The following CSMD1 variants were observed in gnomAD, a reference collection of about 807,000 sequenced individuals.
The protein encoded by CSMD1 is CUB and sushi domain-containing protein 1.
CSMD1 carries 213 observed loss-of-function variants against 417.5 expected under a neutral mutation model. The ratio of observed to expected loss-of-function variants is 0.51; its 90% confidence interval spans 0.46 to 0.57. The LOEUF is 0.57. Among genes scored for constraint, CSMD1 ranks in the 20% least tolerant of loss-of-function variants. The pLI, the probability that CSMD1 is intolerant of heterozygous loss-of-function variation, is 0.00. For synonymous variants in CSMD1, 2,862 were observed against 1,736.8 expected (o/e 1.65, Z -16.11); for missense variants, 6,923 against 4,529.7 (o/e 1.53, Z -15.17).
At chr8:4,152,524 CAAAA>C (rs11460992) in intron 3 of CSMD1, among the ~76,000 whole-genome samples, 1 of 139,444 alleles carries the variant, frequency 7.2e-6, no homozygotes, top group Non-Finnish European at 1.5e-5. Context: ...CAGAGAGTAC[CAAAA>C]AAAAAAAAAA....
At chr8:4,138,930 A>C (rs1308814602) in intron 3 of CSMD1, among the ~76,000 whole-genome samples, 7 of 152,298 alleles carry the variant, frequency 4.6e-5, no homozygotes, top group African/African-American at 1.7e-4. Flanking sequence ...GCTTCTATTT[A>C]TTTGGAATAT....
intron 3 of CSMD1, among the ~76,000 whole-genome samples, chr8:4,161,903 T>C (rs1797193504): frequency 6.6e-6 from 1 of 152,208 alleles, no homozygotes; most frequent in Non-Finnish European, 1.5e-5. Context: ...AAGTCAAGAC[T>C]TCATCAGTTC....
At chr8:4,131,158 CA>C (rs1803078521) in intron 3 of CSMD1, among the ~76,000 whole-genome samples, 1 of 152,058 alleles carries the variant, frequency 6.6e-6, no homozygotes, top group African/African-American at 2.4e-5. Flanking sequence ...AGATTTTAGA[CA>C]AAAGACTGAG....
intron 3 of CSMD1, among the ~76,000 whole-genome samples, chr8:4,268,313 A>G (rs914118845): frequency 2.0e-5 from 3 of 152,152 alleles, no homozygotes; most frequent in African/African-American, 2.4e-5. Context: ...ATATAAAACC[A>G]TTATGACCTG....
At chr8:3,900,898 C>T (rs146854847) in intron 5 of CSMD1, among the ~76,000 whole-genome samples, 1 of 152,220 alleles carries the variant, frequency 6.6e-6, no homozygotes, top group Non-Finnish European at 1.5e-5. Flanking sequence ...TTTGCTTGAT[C>T]TGAGTCCTCG....
intron 1 of CSMD1, among the ~76,000 whole-genome samples, chr8:4,810,856 G>C (rs932716487): frequency 1.3e-5 from 2 of 152,084 alleles, no homozygotes; most frequent in Non-Finnish European, 2.9e-5. Context: ...GAGATCAAAT[G>C]ATTTATAAGA....
At chr8:3,948,472 G>A (rs1180324496) in intron 5 of CSMD1, among the ~76,000 whole-genome samples, 2 of 152,002 alleles carry the variant, frequency 1.3e-5, no homozygotes, top group Admixed American at 1.3e-4. Context: ...CTTTGGCAGG[G>A]AAATTTTCTC....
chr8:4,614,132 C>T, intron 2 of CSMD1, among the ~76,000 whole-genome samples: 1 of 152,002 alleles, frequency 6.6e-6, no homozygotes, highest in East Asian at 1.9e-4. Flanking sequence ...AAACAATGAA[C>T]TTTTAAGTTC....
intron 2 of CSMD1, among the ~76,000 whole-genome samples, chr8:4,422,687 A>G (rs1386720645): frequency 6.6e-6 from 1 of 152,092 alleles, no homozygotes; most frequent in African/African-American, 2.4e-5. Context: ...ATGGCAGCCT[A>G]AAGAGACTAA....
intron 5 of CSMD1, among the ~76,000 whole-genome samples, chr8:3,942,681 T>A (rs1471810945): frequency 6.6e-6 from 1 of 152,212 alleles, no homozygotes; most frequent in Admixed American, 6.5e-5. Flanking sequence ...ATAGGTCCTT[T>A]TCCCTAATGC....
At chr8:4,346,701 A>T (rs1010400969) in intron 3 of CSMD1, among the ~76,000 whole-genome samples, 2 of 152,132 alleles carry the variant, frequency 1.3e-5, no homozygotes, top group African/African-American at 4.8e-5. Flanking sequence ...TGCTAGTCAG[A>T]AATGTCGTAT....
chr8:3,614,028 T>C lies in CSMD1; in HGVS notation c.1097+2682A>G, dbSNP rs142563181. On this transcript the variant is annotated intron_variant, in intron 8 of 69. Coordinates refer to ENST00000635120, the MANE Select transcript of CSMD1 (RefSeq NM_033225.6). ...TAGGGAGAAAGTTCTAGGAAATCTA[T>C]CAAAAAAGCTACTATATAACTAGCT... is the stretch of plus-strand genomic sequence containing the variant. Among the ~76,000 whole-genome samples the C allele has an allele frequency of 3.5e-3, 529 of 151,980 alleles. 2 individuals carry two copies. The highest frequency in any genetic ancestry group is 6.8e-3 in the Middle Eastern group (2 of 294).
chr8:4,171,488 C>T (rs1487843675), intron 3 of CSMD1, among the ~76,000 whole-genome samples: 1 of 151,844 alleles, frequency 6.6e-6, no homozygotes, highest in Non-Finnish European at 1.5e-5. Flanking sequence ...AGAACAGATG[C>T]ATATGTGATC....
chr8:3,108,780 G>C (rs1435765777), intron 43 of CSMD1, 32 bp from the exon 44 acceptor site: 3 of 1,576,822 alleles, frequency 1.9e-6, no homozygotes, highest in African/African-American at 2.7e-5. Flanking sequence ...GGCTGGCTAA[G>C]GATATTTACT....
intron 25 of CSMD1, among the ~76,000 whole-genome samples, chr8:3,301,068 A>T (rs1022274902): frequency 6.6e-6 from 1 of 151,976 alleles, no homozygotes; most frequent in African/African-American, 2.4e-5. Context: ...ATATACATTG[A>T]TACGTATAAG....
In CSMD1 at chr8:3,666,068, G is replaced by C. The variant is rs541933832; in HGVS notation, c.1009+42346C>G. 3.0e-4 allele frequency among the ~76,000 whole-genome samples: 46 copies of C among 152,208 alleles called. No homozygotes were observed. The Middle Eastern group carries it at 0.01, about 34-fold the overall frequency. On this transcript the variant is annotated intron_variant, in intron 7 of 69. Coordinates refer to ENST00000635120, the MANE Select transcript of CSMD1 (RefSeq NM_033225.6). The stretch of plus-strand genomic sequence containing the variant: ...CCAACACCACACCTGGCTAATTTTT[G>C]TATCTGTAGTAGAGACAGTGTTTCA...
In CSMD1 at chr8:4,251,550, A is replaced by T. The variant is rs184179080; in HGVS notation, c.415+168403T>A. Among the ~76,000 whole-genome samples the T allele has an allele frequency of 1.8e-3, 274 of 152,298 alleles. 6 individuals carry two copies. Among genetic ancestry groups the T allele is most frequent in the Admixed American group, 0.016 (247 of 15,292 alleles). Reference sequence around the variant, plus strand: ...GCCTAAATGATCTCTAAGCAATTTAATCAGGGCAGTATCCCACAGGTGACT... The same window carrying T: ...GCCTAAATGATCTCTAAGCAATTTATTCAGGGCAGTATCCCACAGGTGACT... On this transcript the variant is annotated intron_variant, in intron 3 of 69. Transcript: ENST00000635120.
At chr8:3,876,588 C>T (rs1805839228) in intron 5 of CSMD1, among the ~76,000 whole-genome samples, 1 of 152,086 alleles carries the variant, frequency 6.6e-6, no homozygotes, top group Non-Finnish European at 1.5e-5. Context: ...GGCTTTTTAT[C>T]ATGCTTCATG....
At chr8:3,800,537 T>C (rs113957008) in intron 5 of CSMD1, among the ~76,000 whole-genome samples, 3,731 of 152,224 alleles carry the variant, frequency 0.025, 57 homozygotes, top group Middle Eastern at 0.061. Flanking sequence ...AAGGAGATCA[T>C]AGAGGTATGC....
Sources: gnomAD v4.1 joint callset for allele counts (sites outside exome capture counted in the v4.1 genomes callset) on GRCh38, gnomAD v4.1.1 for gene constraint, MANE v1.5 for transcripts, NCBI Gene and HGNC (gene_info 2026-07-23, HGNC 2026-07-21) for gene names.